The following RCC1L variants were observed in gnomAD, a reference collection of about 807,000 sequenced individuals.
The protein encoded by RCC1L is RCC1-like G exchanging factor-like protein.
Under a neutral mutation model 58.6 loss-of-function variants are expected in RCC1L, and 46 were observed. The observed-to-expected ratio is 0.79, with a 90% CI of 0.62 to 1.00. RCC1L has a LOEUF of 1.00. Ranked by LOEUF, RCC1L falls within the 50% of genes least tolerant of loss-of-function variation. RCC1L has a pLI of 0.00. For missense variants in RCC1L, 636 were observed against 623.6 expected (o/e 1.02, Z -0.21); for synonymous variants, 281 against 262.9 (o/e 1.07, Z -0.67).
downstream of RCC1L, among the ~76,000 whole-genome samples, chr7:75,038,529 C>CTT (rs34348635): frequency 7.2e-5 from 10 of 139,036 alleles, no homozygotes; most frequent in Middle Eastern, 3.7e-3. Context: ...CGCTTCCCGC[C>CTT]TTTTTTTTTT....
downstream of RCC1L, among the ~76,000 whole-genome samples, chr7:75,038,626 A>G (rs1190358882): frequency 6.7e-6 from 1 of 148,634 alleles, no homozygotes; most frequent in Non-Finnish European, 1.5e-5. Flanking sequence ...GCAGGGGTGG[A>G]GGAAGTCAGA....
chr7:75,047,638 A>G (rs900771153), intron 10 of RCC1L, among the ~76,000 whole-genome samples: 20 of 150,908 alleles, frequency 1.3e-4, no homozygotes, highest in Admixed American at 2.6e-4. Context: ...ACAGATGAAT[A>G]AATAAAATTA....
intron 10 of RCC1L, among the ~76,000 whole-genome samples, chr7:75,036,132 T>TG (rs1805425881): frequency 2.0e-5 from 3 of 151,136 alleles, no homozygotes; most frequent in African/African-American, 7.3e-5. Flanking sequence ...TTTTTTTTTT[T>TG]TTTGAGATGG....
In RCC1L at chr7:75,061,195, A is replaced by G. The variant is rs1806267119; in HGVS notation, c.787+12T>C. ...GAAGTTTCACGACCCCAGTGCATGAAAAGAACTCTACCTGTTTGCCCATCA... is the reference window on the plus strand; with the variant it reads ...GAAGTTTCACGACCCCAGTGCATGAGAAGAACTCTACCTGTTTGCCCATCA... On this transcript the variant is annotated intron_variant, in intron 6 of 10. Coordinates refer to ENST00000610322, the MANE Select transcript of RCC1L (RefSeq NM_030798.5). The G allele has an allele frequency of 1.2e-6, 2 of 1,612,554 alleles. No individual in the cohort carries two copies. Among genetic ancestry groups the G allele is most frequent in the Non-Finnish European group, 1.7e-6 (2 of 1,178,808 alleles).
At chr7:75,055,782 A>T in intron 9 of RCC1L, 119 bp downstream of exon 9, 2 of 1,208,406 alleles carry the variant, frequency 1.7e-6, no homozygotes, top group Non-Finnish European at 2.4e-6. Flanking sequence ...AGTTATCAGT[A>T]CAAAGGCGCC....
chr7:75,067,085 T>G (rs1554445261), intron 2 of RCC1L, among the ~76,000 whole-genome samples: 2 of 151,960 alleles, frequency 1.3e-5, no homozygotes, highest in Non-Finnish European at 2.9e-5. Flanking sequence ...GCAGATCACC[T>G]GAGGTCAGGA....
At chr7:75,067,485 C>T (rs1806540969) in intron 2 of RCC1L, among the ~76,000 whole-genome samples, 1 of 151,870 alleles carries the variant, frequency 6.6e-6, no homozygotes. Context: ...CAAAATTAGC[C>T]AGACGTGATG....
chr7:75,052,800 C>A lies in RCC1L; in HGVS notation c.1232-4G>T, dbSNP rs587770492. 17 of 1,611,952 alleles carry A rather than the reference C, an allele frequency of 1.1e-5. No individual in the cohort carries two copies. The highest frequency in any genetic ancestry group is 1.4e-5 in the Non-Finnish European group (16 of 1,179,256). The stretch of plus-strand genomic sequence containing the variant: ...CATACAAACAGCTCTCCTTTGTCTG[C>A]AAAGGGAGGAAAACAGGGGTTGGTT... On this transcript the variant is annotated splice_polypyrimidine_tract_variant and splice_region_variant and intron_variant, in intron 9 of 10. Transcript: ENST00000610322.
At position 75,073,665 on chromosome 7, in the gene RCC1L, G is replaced by C; in HGVS notation, c.73C>G (p.His25Asp). The change falls in exon 1 of 11, where the codon CAC becomes GAC. Residue 25 changes from histidine to aspartate, a missense_variant. By Grantham distance (81) the His-to-Asp change is moderately conservative. Transcript: ENST00000610322. ...CGGGAGCGCCCGGCCGCCGTCCAGT[G>C]CCCTCGCCCCAGCCCCGGCCCGCTC... ...RLSGPGLGRG[H>D]WTAAGRSRSR... 6.7e-7 allele frequency: 1 copy of C among 1,488,536 alleles called. No individual in the cohort carries two copies. The allele number at this position is 1,488,536 out of a possible 1,614,324, so 92.2% of individuals were successfully genotyped here.
chr7:75,044,959 T>G lies in RCC1L; in HGVS notation c.1318-1850A>C, dbSNP rs1005833571. ...ATTGCTTGAACTCAGGAGACAGAGG[T>G]TGCAGTGAGCCGAGATCACGCCATT... On this transcript the variant is annotated intron_variant, in intron 10 of 10. Transcript: ENST00000610322. Among the ~76,000 whole-genome samples the G allele has an allele frequency of 9.9e-5, 15 of 152,034 alleles. 1 individual carries two copies. In the East Asian group the frequency reaches 2.7e-3, roughly 28 times the overall value.
intron 2 of RCC1L, among the ~76,000 whole-genome samples, chr7:75,070,083 G>A (rs1027160099): frequency 6.6e-6 from 1 of 152,128 alleles, no homozygotes; most frequent in Admixed American, 6.6e-5. Context: ...GGAAAAAAAG[G>A]TCATCTCTTT....
At position 75,056,034 on chromosome 7, in the gene RCC1L, C is replaced by G; in HGVS notation, c.1098G>C (p.Gly366=). 2 of 1,613,948 alleles carry G rather than the reference C, an allele frequency of 1.2e-6. No individual in the cohort carries two copies. The highest frequency in any genetic ancestry group is 1.7e-6 in the Non-Finnish European group (2 of 1,179,876). The part of the protein sequence containing the change: ...HVFVWGYGIL[G]KGPNLVESAV... ...CACTTTCCACTAGGTTTGGACCTTT[C>G]CCAAGAATTCCATAGCCCCAGACAA... Residue 366 remains glycine (G), a synonymous_variant, in exon 9 of 11, where the codon GGG becomes GGC. Transcript: ENST00000610322.
At chr7:75,071,005 C>T (rs1314029092) in intron 1 of RCC1L, among the ~76,000 whole-genome samples, 1 of 152,046 alleles carries the variant, frequency 6.6e-6, no homozygotes, top group Non-Finnish European at 1.5e-5. Context: ...TACAGGTGTG[C>T]ACACCACGTC....
chr7:75,063,892 C>T (rs1264053710), intron 4 of RCC1L, among the ~76,000 whole-genome samples: 2 of 151,142 alleles, frequency 1.3e-5, no homozygotes, highest in Non-Finnish European at 2.9e-5. Context: ...TGCACTCCAG[C>T]CTGTGTAACA....
intron 5 of RCC1L, 89 bp downstream of exon 5, chr7:75,063,203 T>C: frequency 7.3e-7 from 1 of 1,369,724 alleles, no homozygotes; most frequent in South Asian, 1.2e-5. Flanking sequence ...AAAATCCCCC[T>C]AACAAATTTG....
intron 5 of RCC1L, 38 bp downstream of exon 5, chr7:75,063,254 A>C (rs1806332790): frequency 6.2e-7 from 1 of 1,613,520 alleles, no homozygotes; most frequent in Non-Finnish European, 8.5e-7. Flanking sequence ...AAAGCACCCC[A>C]GGAACACAAC....
At chr7:75,073,340 G>C (rs1806835286) in intron 1 of RCC1L, 74 bp downstream of exon 1, 2 of 675,608 alleles carry the variant, frequency 3.0e-6, no homozygotes, top group South Asian at 3.2e-5. Flanking sequence ...TTCTTGAAGA[G>C]AGCCGAACAG....
chr7:75,070,765 G>C lies in RCC1L; in HGVS notation c.329C>G (p.Ser110Ter). The change falls in exon 2 of 11, where the codon TCA (serine) becomes TGA (stop). Residue 110 changes from serine (S) to a stop codon, truncating the protein, a stop_gained. Transcript: ENST00000610322. LOFTEE classifies it high-confidence loss of function. Reference sequence around the variant, plus strand: ...GAATCCATAGCCGCAAGCAGCAGATGAAATCTGAAAAGCAGTTCCCACAAA... The same window carrying C: ...GAATCCATAGCCGCAAGCAGCAGATCAAATCTGAAAAGCAGTTCCCACAAA... ...PYRLELDQKI[S>*]SAACGYGFTL... is the part of the protein sequence containing the mutation. The C allele has an allele frequency of 1.9e-6, 3 of 1,613,910 alleles. No individual in the cohort carries two copies. The highest frequency in any genetic ancestry group is 2.5e-6 in the Non-Finnish European group (3 of 1,179,930).
downstream of RCC1L, among the ~76,000 whole-genome samples, chr7:75,041,485 C>A (rs1172228197): frequency 2.0e-5 from 3 of 152,144 alleles, no homozygotes; most frequent in Non-Finnish European, 2.9e-5. Context: ...GCAGACAGGG[C>A]ATGGGAGTCC....
Sources: allele counts gnomAD v4.1 joint callset (sites outside exome capture counted in the v4.1 genomes callset), GRCh38; gene constraint gnomAD v4.1.1; transcripts MANE v1.5; gene names NCBI Gene and HGNC (gene_info 2026-07-23, HGNC 2026-07-21).